Variants in VPS13A observed in about 807,000 individuals in gnomAD.
VPS13A encodes intermembrane lipid transfer protein VPS13A.
VPS13A carries 264 observed loss-of-function variants against 390.9 expected under a neutral mutation model. The ratio of observed to expected loss-of-function variants is 0.68; its 90% CI spans 0.61 to 0.75. The LOEUF (loss-of-function observed/expected upper bound fraction) is 0.75, where lower values mean the gene tolerates loss of function less well. VPS13A is among the 30% of genes least tolerant of loss of function. The pLI is 0.00. For synonymous variants in VPS13A, 1,231 were observed against 1,227.1 expected (o/e 1.00, Z -0.07); for missense variants, 3,409 against 3,733.9 (o/e 0.91, Z 2.27).
At chr9:77,249,908 A>C (rs1825057533) in intron 20 of VPS13A, among the ~76,000 whole-genome samples, 189 bp from the exon 21 acceptor site, 1 of 152,160 alleles carries the variant, frequency 6.6e-6, no homozygotes, top group Non-Finnish European at 1.5e-5. Context: ...AATATGTAAA[A>C]ATTTACTTTA....
chr9:77,186,317 A>T (rs1472045297), intron 1 of VPS13A, among the ~76,000 whole-genome samples: 1 of 152,180 alleles, frequency 6.6e-6, no homozygotes. Flanking sequence ...TTTTCTATTA[A>T]TTTAAGAATA....
At position 77,418,147 on chromosome 9, in the gene VPS13A, C is replaced by A. The variant is rs892696087; in HGVS notation, c.*2141C>A. Reference sequence around the variant, plus strand: ...TTTTCTTGAAGGTTAGAATAAGAATCTTCTTGTATTTGAAAACCATCTGCC... The same window carrying A: ...TTTTCTTGAAGGTTAGAATAAGAATATTCTTGTATTTGAAAACCATCTGCC... On this transcript the variant is annotated 3_prime_UTR_variant, in exon 72 of 72. Coordinates refer to ENST00000360280, the MANE Select transcript of VPS13A (RefSeq NM_033305.3). The A allele has an allele frequency of 5.9e-5, 9 of 152,282 alleles. No individual in the cohort carries two copies. In the East Asian group the frequency reaches 1.5e-3, roughly 26 times the overall value. 9.4% of individuals were successfully genotyped at this position (152,282 alleles called of 1,614,324 possible).
intron 62 of VPS13A, 124 bp downstream of exon 62, chr9:77,368,260 T>C: frequency 1.3e-6 from 1 of 787,478 alleles, no homozygotes; most frequent in Admixed American, 2.2e-5. Flanking sequence ...TATTAAAGCA[T>C]GGGTATTTTC....
chr9:77,409,519 C>A (rs575939949), intron 71 of VPS13A, among the ~76,000 whole-genome samples: 1 of 151,924 alleles, frequency 6.6e-6, no homozygotes, highest in East Asian at 1.9e-4. Flanking sequence ...GGAGGAAGTT[C>A]GAATCCATGG....
At chr9:77,241,110 AACTC>A (rs1425327161) in intron 19 of VPS13A, among the ~76,000 whole-genome samples, 25 of 152,136 alleles carry the variant, frequency 1.6e-4, no homozygotes, top group Non-Finnish European at 1.9e-4. Flanking sequence ...CTTAGCCACT[AACTC>A]TTTACATATA....
chr9:77,315,736 G>T (rs1331317674), intron 38 of VPS13A, among the ~76,000 whole-genome samples: 1 of 152,014 alleles, frequency 6.6e-6, no homozygotes, highest in African/African-American at 2.4e-5. Context: ...TAATTTGAAG[G>T]AATTTGTCTA....
At chr9:77,333,785 A>T (rs1423161117) in intron 46 of VPS13A, among the ~76,000 whole-genome samples, 4 of 152,112 alleles carry the variant, frequency 2.6e-5, no homozygotes, top group Non-Finnish European at 5.9e-5. Flanking sequence ...GATGCAGATA[A>T]ACACAGGAAA....
intron 46 of VPS13A, among the ~76,000 whole-genome samples, chr9:77,333,426 A>ATTTTTTT (rs34369162): frequency 1.0e-4 from 11 of 107,668 alleles, no homozygotes; most frequent in Non-Finnish European, 1.5e-4. Flanking sequence ...CTCATTAGGC[A>ATTTTTTT]TTTTTTTTTT....
intron 70 of VPS13A, 88 bp downstream of exon 70, chr9:77,406,075 C>T: frequency 6.5e-7 from 1 of 1,527,116 alleles, no homozygotes; most frequent in South Asian, 1.1e-5. Context: ...TGCTCTACCT[C>T]TTTTATAGAT....
intron 19 of VPS13A, among the ~76,000 whole-genome samples, chr9:77,243,561 T>C (rs1824629704): frequency 6.6e-6 from 1 of 152,172 alleles, no homozygotes; most frequent in Admixed American, 6.5e-5. Flanking sequence ...AAAACAGATG[T>C]GGTCGTTTGC....
chr9:77,415,243 A>C (rs1238191136), intron 71 of VPS13A, among the ~76,000 whole-genome samples: 1 of 152,142 alleles, frequency 6.6e-6, no homozygotes, highest in Non-Finnish European at 1.5e-5. Context: ...TTATCCCAGA[A>C]GGTTTGTTTT....
At position 77,341,618 on chromosome 9, in the gene VPS13A, T is replaced by A. The variant is rs1455443735; in HGVS notation, c.7026+1068T>A. Reference sequence around the variant, plus strand: ...GGACATTCATACTCTATCCTCCATGTCTCTTAATAGCTCTTTTATATTTTC... The same window carrying A: ...GGACATTCATACTCTATCCTCCATGACTCTTAATAGCTCTTTTATATTTTC... On this transcript the variant is annotated intron_variant, in intron 50 of 71. Coordinates refer to ENST00000360280, the MANE Select transcript of VPS13A (RefSeq NM_033305.3). 2.0e-5 allele frequency among the ~76,000 whole-genome samples: 3 copies of A among 151,262 alleles called. No individual in the cohort carries two copies. In the East Asian group the frequency reaches 5.8e-4, roughly 29 times the overall value.
At chr9:77,401,329 TTGTGTGTG>T (rs4012461) in intron 68 of VPS13A, among the ~76,000 whole-genome samples, 8,914 of 140,422 alleles carry the variant, frequency 0.063, 416 homozygotes, top group East Asian at 0.18. Flanking sequence ...TCACATGAAG[TTGTGTGTG>T]TGTGTGTGTG....
rs186245867 is a variant in VPS13A at position 77,414,777 on chromosome 9, G to A, written c.9475-1179G>A. On this transcript the variant is annotated intron_variant, in intron 71 of 71. Transcript: ENST00000360280. The stretch of plus-strand genomic sequence containing the variant: ...TAATAATAATAATAATAAAAACTTA[G>A]AGTAAGAGGACATTTCTCCTATACT... 1.1e-4 allele frequency among the ~76,000 whole-genome samples: 12 copies of A among 109,874 alleles called. No individual in the cohort carries two copies. The East Asian group carries it at 3.7e-3, about 34-fold the overall frequency. 72.1% of individuals were successfully genotyped at this position (109,874 alleles called of 152,430 possible).
intron 7 of VPS13A, among the ~76,000 whole-genome samples, chr9:77,212,691 T>C (rs55728598): frequency 6.6e-6 from 1 of 152,174 alleles, no homozygotes; most frequent in Non-Finnish European, 1.5e-5. Flanking sequence ...AAATGAGTTA[T>C]GAGTTTTAGA....
At position 77,420,968 on chromosome 9, in the gene VPS13A, G is replaced by A. The variant is rs1349413276; in HGVS notation, c.*4962G>A. ...ATTTAATATCCACACAAACTATTAG[G>A]AATGGTATCTGGAACTTGTTACAAG... On this transcript the variant is annotated 3_prime_UTR_variant, in exon 72 of 72. Transcript: ENST00000360280. The A allele has an allele frequency of 3.3e-5, 5 of 152,082 alleles. No homozygotes were observed. Among genetic ancestry groups the A allele is most frequent in the African/African-American group, 1.2e-4 (5 of 41,412 alleles). 9.4% of individuals were successfully genotyped at this position (152,082 alleles called of 1,614,324 possible). A position where few individuals can be genotyped will look rare whatever the true frequency, so the allele number is the denominator to read the frequency against.
In VPS13A at chr9:77,370,998, A is replaced by G. The variant is rs199745139; in HGVS notation, c.8954-28A>G. On this transcript the variant is annotated intron_variant, in intron 66 of 71. Coordinates refer to ENST00000360280, the MANE Select transcript of VPS13A (RefSeq NM_033305.3). ...GATTCTGTTTTCATTCTTGGATGCA[A>G]TTGTCAAAAACTCTTTTTTCTTTCC... is the stretch of plus-strand genomic sequence containing the variant. The G allele has an allele frequency of 3.8e-5, 61 of 1,614,102 alleles. No homozygotes were observed. In the African/African-American group the frequency reaches 6.7e-4, roughly 18 times the overall value.
chr9:77,362,769 G>A (rs1587661691), intron 59 of VPS13A, among the ~76,000 whole-genome samples: 1 of 152,126 alleles, frequency 6.6e-6, no homozygotes, highest in East Asian at 1.9e-4. Flanking sequence ...ATCCATTTAT[G>A]TAGATTTTTA....
chr9:77,340,071 CA>C, intron 48 of VPS13A, 106 bp from the exon 49 acceptor site: 1 of 1,327,250 alleles, frequency 7.5e-7, no homozygotes, highest in Non-Finnish European at 1.1e-6. Flanking sequence ...AGGTTTAGTG[CA>C]TTAACAATAT....
Sources: allele counts gnomAD v4.1 joint callset (sites outside exome capture counted in the v4.1 genomes callset), GRCh38; gene constraint gnomAD v4.1.1; transcripts MANE v1.5; gene names NCBI Gene and HGNC (gene_info 2026-07-23, HGNC 2026-07-21).